CCNF: variants seen among roughly 807,000 people sequenced by gnomAD.
CCNF encodes the protein cyclin F, also known as cyclin-F.
Under a neutral mutation model 85.4 loss-of-function variants are expected in CCNF, and 30 were observed. The observed-to-expected ratio is 0.35, with a 90% CI of 0.26 to 0.48. The LOEUF (loss-of-function observed/expected upper bound fraction) is 0.48. Ranked by LOEUF, CCNF falls within the 20% of genes least tolerant of loss-of-function variation. The pLI, the probability that CCNF is intolerant of heterozygous loss-of-function variation, is 0.99. For missense variants in CCNF, 919 were observed against 1,010.4 expected, an observed-to-expected ratio of 0.91 and a Z score of 1.23; for synonymous variants, 439 against 425.1, an observed-to-expected ratio of 1.03 and a Z score of -0.40.
chr16:2,453,278 A>G lies in CCNF; in HGVS notation c.1556A>G (p.Asp519Gly). 6.2e-7 allele frequency: 1 copy of G among 1,613,902 alleles called. No homozygotes were observed. The highest frequency in any genetic ancestry group is 8.5e-7 in the Non-Finnish European group (1 of 1,180,016). The change falls in exon 14 of 17, where the codon GAC becomes GGC. Residue 519 changes from aspartate (D) to glycine (G), a missense_variant. Physicochemically the swap from Asp to Gly is moderately conservative, Grantham distance 94 (BLOSUM62 -1). Coordinates refer to ENST00000397066, the MANE Select transcript of CCNF (RefSeq NM_001761.3). The surrounding 1 kb of genome is among the most constrained non-coding windows in gnomAD (Gnocchi z 5.6). ...SLTAVKQRFEDKRYGEISQEE... is the reference protein window; with the variant it reads ...SLTAVKQRFEGKRYGEISQEE... ...ACCGCCGTGAAGCAGCGGTTTGAGG[A>G]CAAGCGCTATGGAGAAATCAGCCAG...
At chr16:2,439,292 C>A in intron 6 of CCNF, 61 bp from the exon 7 acceptor site, 1 of 1,412,322 alleles carries the variant, frequency 7.1e-7, no homozygotes, top group Non-Finnish European at 9.7e-7. Flanking sequence ...GTGAAACTGT[C>A]TCAAAAAATA....
intron 10 of CCNF, 83 bp from the exon 11 acceptor site, chr16:2,448,772 G>A: frequency 4.7e-6 from 6 of 1,268,308 alleles, no homozygotes; most frequent in African/African-American, 1.5e-5. Context: ...CTACCTTGAG[G>A]CCTCCTAAAG....
intron 3 of CCNF, among the ~76,000 whole-genome samples, chr16:2,434,611 AAAAT>A (rs1205022411): frequency 6.6e-6 from 1 of 152,256 alleles, no homozygotes; most frequent in African/African-American, 2.4e-5. Flanking sequence ...ACTCCGTCTC[AAAAT>A]AAATAAATAA....
At chr16:2,431,733 C>A (rs1219020740) in intron 2 of CCNF, among the ~76,000 whole-genome samples, 1 of 151,254 alleles carries the variant, frequency 6.6e-6, no homozygotes, top group African/African-American at 2.4e-5. Context: ...GATATCATTA[C>A]CAGATGCTTT....
intron 1 of CCNF, among the ~76,000 whole-genome samples, chr16:2,430,258 T>C (rs887189731): frequency 1.7e-4 from 26 of 151,212 alleles, no homozygotes; most frequent in African/African-American, 5.6e-4. Flanking sequence ...GATAGAAAGG[T>C]AGATTTGTAG....
At chr16:2,439,931 CCCACATGGG>C in intron 8 of CCNF, 105 bp downstream of exon 8, 1 of 953,936 alleles carries the variant, frequency 1.0e-6, no homozygotes, top group Non-Finnish European at 1.6e-6. Context: ...TATCTGGGCT[CCCACATGGG>C]AGGCCAGGAT....
At chr16:2,450,001 G>A (rs945147439) in intron 13 of CCNF, 86 bp downstream of exon 13, 9 of 922,416 alleles carry the variant, frequency 9.8e-6, no homozygotes, top group Non-Finnish European at 1.6e-5. Flanking sequence ...GAGGTCAGGA[G>A]TTTGAGACCA....
rs959620451 is a variant in CCNF at position 2,458,099 on chromosome 16, G to A, written c.*1079G>A. On this transcript the variant is annotated 3_prime_UTR_variant, in exon 17 of 17. Transcript: ENST00000397066. Reference sequence around the variant, plus strand: ...TCCTGCATGGAAAGGGAGCCTGGGAGCCAGCAGCCCACGCCTGGGGAGCCT... The same window carrying A: ...TCCTGCATGGAAAGGGAGCCTGGGAACCAGCAGCCCACGCCTGGGGAGCCT... The A allele has an allele frequency of 6.6e-6, 1 of 152,182 alleles. No homozygotes were observed. The highest frequency in any genetic ancestry group is 2.4e-5 in the African/African-American group (1 of 41,424). The allele number at this position is 152,182 out of a possible 1,614,324, so 9.4% of individuals were successfully genotyped here.
rs755137166 is a variant in CCNF at position 2,453,384 on chromosome 16, AC to A, written c.1588-21del. 6.2e-7 allele frequency: 1 copy of A among 1,613,424 alleles called. No individual in the cohort carries two copies. Among genetic ancestry groups the A allele is most frequent in the South Asian group, 1.1e-5 (1 of 91,056 alleles). On this transcript the variant is annotated intron_variant, in intron 14 of 16. Transcript: ENST00000397066. This position sits in a 1 kb window ranked among gnomAD's most constrained non-coding sequence, Gnocchi z 5.6. ...CGGGCCTCACCCTCGGGGCCTCTGC[AC>A]CCCCTAACTCTAGCTTCCCCTCAGG...
intron 9 of CCNF, 79 bp from the exon 10 acceptor site, chr16:2,445,379 C>T (rs757982310): frequency 1.3e-5 from 19 of 1,515,792 alleles, no homozygotes; most frequent in Admixed American, 1.7e-5. Flanking sequence ...TGGTCGGGCC[C>T]AACAGGTGGG....
chr16:2,451,199 G>A lies in CCNF; in HGVS notation c.1487+1284G>A, dbSNP rs575524437. On this transcript the variant is annotated intron_variant, in intron 13 of 16. Transcript: ENST00000397066. This position sits in a 1 kb window ranked among gnomAD's most constrained non-coding sequence, Gnocchi z 4.3. ...GGACAGAGAGTTCAGAGGTCAGGTC[G>A]TGACGAGAGAAACAGCAGGCAGGCG... is the stretch of plus-strand genomic sequence containing the variant. 2.0e-3 allele frequency among the ~76,000 whole-genome samples: 311 copies of A among 152,344 alleles called. No homozygotes were observed. The highest frequency in any genetic ancestry group is 3.4e-3 in the Middle Eastern group (1 of 294).
Position 2,429,555 on chromosome 16 carries a change from G to A in CCNF, c.16+58G>A. 8 of 1,223,706 alleles carry A rather than the reference G, an allele frequency of 6.5e-6. No homozygotes were observed. In the African/African-American group the frequency reaches 1.2e-4, roughly 19 times the overall value. 75.8% of individuals were successfully genotyped at this position (1,223,706 alleles called of 1,614,324 possible). A position where few individuals can be genotyped will look rare whatever the true frequency, so the allele number is the denominator to read the frequency against. Reference sequence around the variant, plus strand: ...CCCACACCCCTTCTGCCTGCCCTGCGGGGCGGACGGTGGGTCCCGCGGGAG... The same window carrying A: ...CCCACACCCCTTCTGCCTGCCCTGCAGGGCGGACGGTGGGTCCCGCGGGAG... On this transcript the variant is annotated intron_variant, in intron 1 of 16. Transcript: ENST00000397066.
Position 2,440,592 on chromosome 16 carries a change from C to A in CCNF, c.777+766C>A, listed in dbSNP as rs60029686. Among the ~76,000 whole-genome samples the A allele has an allele frequency of 3.0e-3, 450 of 151,886 alleles. 20 individuals carry two copies. The East Asian group carries it at 0.076, about 26-fold the overall frequency. ...CCTGGGCGACAGAGCAAGACTCTGTCTGAAGGAAAAAAAAAGTTGTCAGGA... is the reference window on the plus strand; with the variant it reads ...CCTGGGCGACAGAGCAAGACTCTGTATGAAGGAAAAAAAAAGTTGTCAGGA... On this transcript the variant is annotated intron_variant, in intron 8 of 16. Coordinates refer to ENST00000397066, the MANE Select transcript of CCNF (RefSeq NM_001761.3).
At chr16:2,440,598 G>GA (rs998498111) in intron 8 of CCNF, among the ~76,000 whole-genome samples, 3 of 151,044 alleles carry the variant, frequency 2.0e-5, no homozygotes, top group East Asian at 1.9e-4. Context: ...CTGTCTGAAG[G>GA]AAAAAAAAAG....
chr16:2,458,809 C>G lies in CCNF; in HGVS notation c.*1789C>G, dbSNP rs749778424. On this transcript the variant is annotated 3_prime_UTR_variant, in exon 17 of 17. Coordinates refer to ENST00000397066, the MANE Select transcript of CCNF (RefSeq NM_001761.3). The stretch of plus-strand genomic sequence containing the variant: ...TCTGTAAGGGGGGCAATGATACCTA[C>G]CTCACAGGGGTGTTGTGAGGATTAA... The G allele has an allele frequency of 6.6e-6, 1 of 152,270 alleles. No individual in the cohort carries two copies. The highest frequency in any genetic ancestry group is 2.4e-5 in the African/African-American group (1 of 41,416). 9.4% of individuals were successfully genotyped at this position (152,270 alleles called of 1,614,324 possible).
At chr16:2,430,814 T>C (rs907805554) in intron 1 of CCNF, among the ~76,000 whole-genome samples, 1 of 152,228 alleles carries the variant, frequency 6.6e-6, no homozygotes, top group Non-Finnish European at 1.5e-5. Flanking sequence ...TCGGCAGCTT[T>C]TTCCCCTTCC....
rs2065251675 is a variant in CCNF, at chr16:2,429,477, C to T, written c.-5C>T. ...GGCTCCGGCGGCAGCGACGCGAGCG[C>T]GGCGATGGGGAGCGGCGGCGGTGAG... On this transcript the variant is annotated 5_prime_UTR_variant, in exon 1 of 17. Coordinates refer to ENST00000397066, the MANE Select transcript of CCNF (RefSeq NM_001761.3). The T allele has an allele frequency of 8.1e-7, 1 of 1,228,476 alleles. No individual in the cohort carries two copies. The highest frequency in any genetic ancestry group is 1.6e-5 in the African/African-American group (1 of 63,898). 76.1% of individuals were successfully genotyped at this position (1,228,476 alleles called of 1,614,324 possible).
intron 6 of CCNF, 24 bp downstream of exon 6, chr16:2,438,147 T>G: frequency 6.4e-7 from 1 of 1,554,358 alleles, no homozygotes; most frequent in Non-Finnish European, 8.9e-7. Context: ...TTCTCTGCAC[T>G]GGGACTTTGT....
At chr16:2,441,613 A>C (rs2065321402) in intron 8 of CCNF, among the ~76,000 whole-genome samples, 1 of 151,912 alleles carries the variant, frequency 6.6e-6, no homozygotes, top group Non-Finnish European at 1.5e-5. Flanking sequence ...AGCTCACTGC[A>C]ACCTCTGACG....
Sources: allele counts gnomAD v4.1 joint callset (sites outside exome capture counted in the v4.1 genomes callset), GRCh38; gene constraint gnomAD v4.1.1; non-coding constraint Gnocchi (gnomAD v3.1); transcripts MANE v1.5; gene names NCBI Gene and HGNC (gene_info 2026-07-23, HGNC 2026-07-21).